The following ALK variants were observed in gnomAD, a reference collection of about 807,000 sequenced individuals.
ALK encodes ALK tyrosine kinase receptor.
Under a neutral mutation model 163.1 loss-of-function variants are expected in ALK, and 74 were observed. That is an observed-to-expected ratio of 0.45 (90% CI 0.38 to 0.55). The LOEUF is 0.55. Ranked by LOEUF, ALK falls within the 20% of genes least tolerant of loss-of-function variation. ALK has a pLI of 0.00. For synonymous variants in ALK, 960 were observed against 843.2 expected (o/e 1.14, Z -2.40); for missense variants, 2,063 against 2,105.3 (o/e 0.98, Z 0.39).
chr2:29,253,952 C>T (rs1389517538), intron 11 of ALK, among the ~76,000 whole-genome samples: 1 of 151,912 alleles, frequency 6.6e-6, no homozygotes, highest in African/African-American at 2.4e-5. Context: ...AATTGTAGTT[C>T]CCATAATTCC....
Position 29,239,806 on chromosome 2 carries a change from G to A in ALK, c.2229C>T (p.Gly743=), listed in dbSNP as rs111253753. 2.7e-5 allele frequency: 43 copies of A among 1,613,686 alleles called. No individual in the cohort carries two copies. The African/African-American group carries it at 4.0e-4, about 15-fold the overall frequency. Residue 743 remains glycine (G), a synonymous_variant, in exon 13 of 29, where the codon GGC becomes GGT. Coordinates refer to ENST00000389048, the MANE Select transcript of ALK (RefSeq NM_004304.5). ...TYSISGYGAA[G]GKGGKNTMMR... ...TCATGGTGTTCTTCCCGCCTTTCCCGCCAGCAGCTCCGTAGCCCGAGATGC... is the reference window on the plus strand; with the variant it reads ...TCATGGTGTTCTTCCCGCCTTTCCCACCAGCAGCTCCGTAGCCCGAGATGC...
intron 11 of ALK, among the ~76,000 whole-genome samples, chr2:29,271,985 T>C (rs543103275): frequency 2.6e-5 from 4 of 152,126 alleles, no homozygotes; most frequent in South Asian, 4.1e-4. Context: ...AGGAGAAGGA[T>C]AGAGGGGTAG....
At chr2:29,514,220 A>G (rs986653634) in intron 4 of ALK, among the ~76,000 whole-genome samples, 2 of 147,882 alleles carry the variant, frequency 1.4e-5, no homozygotes, top group African/African-American at 5.1e-5. Flanking sequence ...TTGTGGCACT[A>G]TTCACAATAG....
chr2:29,534,576 G>A (rs1213896480), intron 3 of ALK, among the ~76,000 whole-genome samples: 1 of 152,202 alleles, frequency 6.6e-6, no homozygotes, highest in Non-Finnish European at 1.5e-5. Context: ...TTCTCAGGTT[G>A]GCAGAATGTT....
At chr2:29,601,274 T>C (rs1219564210) in intron 3 of ALK, among the ~76,000 whole-genome samples, 3 of 152,220 alleles carry the variant, frequency 2.0e-5, no homozygotes, top group Non-Finnish European at 4.4e-5. Flanking sequence ...AATTTAATAC[T>C]TATCAAGACA....
intron 15 of ALK, 100 bp downstream of exon 15, chr2:29,232,204 G>T: frequency 6.6e-7 from 1 of 1,505,996 alleles, no homozygotes; most frequent in Non-Finnish European, 9.2e-7. Context: ...TAGCATCCCA[G>T]GTGCCAGTGA....
chr2:29,853,548 C>T (rs1014852297), intron 1 of ALK, among the ~76,000 whole-genome samples: 10 of 152,318 alleles, frequency 6.6e-5, no homozygotes, highest in Middle Eastern at 3.4e-3. Context: ...TGGTCTTCTA[C>T]GGCAGCCTCT....
At chr2:29,870,500 G>A (rs144280153) in intron 1 of ALK, among the ~76,000 whole-genome samples, 148 of 152,218 alleles carry the variant, frequency 9.7e-4, no homozygotes, top group Non-Finnish European at 2.0e-3. Context: ...CAACATATAG[G>A]ATTGCAATTC....
chr2:29,910,952 C>T lies in ALK; in HGVS notation c.667+9041G>A, dbSNP rs186508419. 2.4e-3 allele frequency among the ~76,000 whole-genome samples: 366 copies of T among 151,976 alleles called. 4 individuals carry two copies. Among genetic ancestry groups the T allele is most frequent in the African/African-American group, 8.2e-3 (338 of 41,438 alleles). ...TCCTGTTCATCCTGTTCTTTACAAC[C>T]GAAATACTCTGGACGAAACAACAAC... On this transcript the variant is annotated intron_variant, in intron 1 of 28. Coordinates refer to ENST00000389048, the MANE Select transcript of ALK (RefSeq NM_004304.5).
rs116102004 is a variant in ALK at position 29,372,281 on chromosome 2, A to C, written c.1282+11451T>G. 2.9e-3 allele frequency among the ~76,000 whole-genome samples: 444 copies of C among 152,290 alleles called. 1 individual carries two copies. Among genetic ancestry groups the C allele is most frequent in the African/African-American group, 0.01 (428 of 41,564 alleles). ...TATGGAGAGGCTCTGGAAGTACTAC[A>C]GTGAGCTGAATCTCAGACCTACAGG... On this transcript the variant is annotated intron_variant, in intron 5 of 28. Coordinates refer to ENST00000389048, the MANE Select transcript of ALK (RefSeq NM_004304.5).
At position 29,632,237 on chromosome 2, in the gene ALK, G is replaced by A. The variant is rs1368353570; in HGVS notation, c.952+62613C>T. Among the ~76,000 whole-genome samples, 7 of 152,284 alleles carry A rather than the reference G, an allele frequency of 4.6e-5. No homozygotes were observed. In the South Asian group the frequency reaches 1.5e-3, roughly 32 times the overall value. ...TACAGAAATAAACTGTGAGATGTGA[G>A]TAACAGCCAGGTTTTCCTTGTAGAG... On this transcript the variant is annotated intron_variant, in intron 3 of 28. Transcript: ENST00000389048.
intron 4 of ALK, among the ~76,000 whole-genome samples, chr2:29,509,826 G>A (rs1218552615): frequency 6.6e-6 from 1 of 152,180 alleles, no homozygotes; most frequent in South Asian, 2.1e-4. Context: ...TTGGGGAGAA[G>A]CATTTAAAAA....
chr2:29,250,633 G>A (rs1664792149), intron 12 of ALK, among the ~76,000 whole-genome samples: 1 of 152,156 alleles, frequency 6.6e-6, no homozygotes, highest in African/African-American at 2.4e-5. Flanking sequence ...GGGGGCTGGG[G>A]TAGGGTTGGG....
chr2:29,864,452 T>C (rs915450535), intron 1 of ALK, among the ~76,000 whole-genome samples: 1 of 152,232 alleles, frequency 6.6e-6, no homozygotes, highest in Non-Finnish European at 1.5e-5. Context: ...CACCACAACA[T>C]ACAATTTTTG....
intron 4 of ALK, among the ~76,000 whole-genome samples, chr2:29,422,935 C>A (rs1193746696): frequency 6.8e-6 from 1 of 147,678 alleles, no homozygotes; most frequent in Non-Finnish European, 1.5e-5. Flanking sequence ...TTTTTCCCAG[C>A]ATCAATTATT....
At chr2:29,267,758 C>A (rs1223096518) in intron 11 of ALK, among the ~76,000 whole-genome samples, 4 of 152,186 alleles carry the variant, frequency 2.6e-5, no homozygotes, top group Non-Finnish European at 5.9e-5. Context: ...TTGTCCAAAA[C>A]CACTGAAGCT....
At chr2:29,455,375 G>T (rs945251707) in intron 4 of ALK, among the ~76,000 whole-genome samples, 1 of 152,156 alleles carries the variant, frequency 6.6e-6, no homozygotes, top group African/African-American at 2.4e-5. Context: ...CCCTGGGAGA[G>T]CAGCAAGGTG....
chr2:29,469,260 T>A (rs1187675798), intron 4 of ALK, among the ~76,000 whole-genome samples: 1 of 152,186 alleles, frequency 6.6e-6, no homozygotes, highest in Non-Finnish European at 1.5e-5. Context: ...TGGGTCAATG[T>A]AAGGAATTAG....
chr2:29,886,004 A>C (rs1666976105), intron 1 of ALK, among the ~76,000 whole-genome samples: 1 of 151,872 alleles, frequency 6.6e-6, no homozygotes, highest in Non-Finnish European at 1.5e-5. Flanking sequence ...TGCTCCTGCC[A>C]CCTCTGAGAT....
Sources: gnomAD v4.1 joint callset for allele counts (sites outside exome capture counted in the v4.1 genomes callset) on GRCh38, gnomAD v4.1.1 for gene constraint, MANE v1.5 for transcripts, NCBI Gene and HGNC (gene_info 2026-07-23, HGNC 2026-07-21) for gene names.